The following FRMD5 variants were observed in gnomAD, a reference collection of about 807,000 sequenced individuals.
FRMD5 encodes the protein FERM domain-containing protein 5.
Under a neutral mutation model 69.0 loss-of-function variants are expected in FRMD5, and 20 were observed. That is an observed-to-expected ratio of 0.29 (90% CI 0.20 to 0.42). The LOEUF is 0.42. Among genes scored for constraint, FRMD5 ranks in the 10% least tolerant of loss-of-function variants. The pLI, the probability that FRMD5 is intolerant of heterozygous loss-of-function variation, is 1.00. For synonymous variants in FRMD5, 271 were observed against 260.1 expected (o/e 1.04, Z -0.40); for missense variants, 595 against 708.6 (o/e 0.84, Z 1.82).
intron 1 of FRMD5, among the ~76,000 whole-genome samples, chr15:44,040,874 T>C (rs1272914740): frequency 1.3e-5 from 2 of 150,768 alleles, no homozygotes; most frequent in East Asian, 1.9e-4. Context: ...GACTGGCAAA[T>C]TGGATAAAGA....
rs559852298 is a variant in FRMD5, at chr15:44,059,786, AT to A, written c.102+135166del. ...TGCCTCAGCCTCCCAAAGTGCTGGG[AT>A]TACAGGTGTGAGCCACTGCACCCAG... On this transcript the variant is annotated intron_variant, in intron 1 of 13. Transcript: ENST00000417257. Among the ~76,000 whole-genome samples, 39 of 152,226 alleles carry A rather than the reference AT, an allele frequency of 2.6e-4. No individual in the cohort carries two copies. In the South Asian group the frequency reaches 8.1e-3, roughly 32 times the overall value.
intron 1 of FRMD5, among the ~76,000 whole-genome samples, chr15:43,949,467 C>T (rs1339278826): frequency 6.6e-6 from 1 of 152,212 alleles, no homozygotes; most frequent in Non-Finnish European, 1.5e-5. Flanking sequence ...CATCCAATTC[C>T]CCTTTCTGGA....
At chr15:44,001,744 C>T (rs999155661) in intron 1 of FRMD5, among the ~76,000 whole-genome samples, 5 of 151,698 alleles carry the variant, frequency 3.3e-5, no homozygotes, top group Non-Finnish European at 5.9e-5. Context: ...GTAGCTGGGA[C>T]TACAGGCACA....
At chr15:44,086,128 T>C (rs1894187821) in intron 1 of FRMD5, among the ~76,000 whole-genome samples, 1 of 152,174 alleles carries the variant, frequency 6.6e-6, no homozygotes, top group Non-Finnish European at 1.5e-5. Flanking sequence ...TTATACAATA[T>C]CTATAAAATT....
chr15:43,927,704 T>G (rs2089608505), intron 1 of FRMD5, among the ~76,000 whole-genome samples: 1 of 152,058 alleles, frequency 6.6e-6, no homozygotes, highest in African/African-American at 2.4e-5. Flanking sequence ...TGCACCAAGC[T>G]GGCTTTTACA....
chr15:43,882,501 G>A (rs917508123), intron 13 of FRMD5, among the ~76,000 whole-genome samples: 1 of 152,080 alleles, frequency 6.6e-6, no homozygotes, highest in Non-Finnish European at 1.5e-5. Context: ...TGGGATTACA[G>A]GCGTGCATCA....
At chr15:44,118,757 G>C (rs1314956814) in intron 1 of FRMD5, among the ~76,000 whole-genome samples, 31 of 152,104 alleles carry the variant, frequency 2.0e-4, no homozygotes, top group Non-Finnish European at 4.6e-4. Context: ...GCTTTGTATG[G>C]AATCTGTTCT....
chr15:44,025,439 T>C (rs990469067), intron 1 of FRMD5, among the ~76,000 whole-genome samples: 2 of 152,026 alleles, frequency 1.3e-5, no homozygotes, highest in Admixed American at 6.6e-5. Context: ...CACATATATA[T>C]ACACACACAC....
At chr15:44,027,217 T>C (rs957595993) in intron 1 of FRMD5, among the ~76,000 whole-genome samples, 2 of 152,126 alleles carry the variant, frequency 1.3e-5, no homozygotes, top group African/African-American at 4.8e-5. Flanking sequence ...AGACTTTCTA[T>C]CCTTTAATTA....
intron 1 of FRMD5, among the ~76,000 whole-genome samples, chr15:44,007,339 T>C (rs1398085870): frequency 1.3e-5 from 2 of 152,214 alleles, no homozygotes; most frequent in Non-Finnish European, 2.9e-5. Context: ...ATCCACTTTA[T>C]TGCGGTGGTC....
chr15:44,017,608 A>G (rs560172993), intron 1 of FRMD5, among the ~76,000 whole-genome samples: 1 of 149,276 alleles, frequency 6.7e-6, no homozygotes. Context: ...TAATCCCCAA[A>G]TATTTCTTTT....
intron 1 of FRMD5, among the ~76,000 whole-genome samples, chr15:44,180,036 G>C (rs949267705): frequency 8.2e-6 from 1 of 122,290 alleles, no homozygotes; most frequent in African/African-American, 3.1e-5. Context: ...GGACAAGATA[G>C]TGAGACTCCA....
At chr15:44,016,789 G>A (rs926807030) in intron 1 of FRMD5, among the ~76,000 whole-genome samples, 1 of 151,348 alleles carries the variant, frequency 6.6e-6, no homozygotes, top group Admixed American at 6.6e-5. Flanking sequence ...TATAAATAGA[G>A]TGGCCTTGGA....
At chr15:44,000,051 TG>T (rs1373811722) in intron 1 of FRMD5, among the ~76,000 whole-genome samples, 1 of 135,956 alleles carries the variant, frequency 7.4e-6, no homozygotes, top group African/African-American at 2.6e-5. Flanking sequence ...TCTGCCACCC[TG>T]GCTGGAGTGC....
chr15:44,008,974 C>T (rs940650045), intron 1 of FRMD5, among the ~76,000 whole-genome samples: 1 of 151,968 alleles, frequency 6.6e-6, no homozygotes, highest in Non-Finnish European at 1.5e-5. Flanking sequence ...TGCAGTGAGC[C>T]GAGATTGCAC....
At chr15:44,116,671 G>A (rs1179541468) in intron 1 of FRMD5, among the ~76,000 whole-genome samples, 1 of 152,086 alleles carries the variant, frequency 6.6e-6, no homozygotes, top group Non-Finnish European at 1.5e-5. Context: ...TATGCCCCTC[G>A]CTCCCCAGTG....
At chr15:43,905,458 C>T (rs1432868810) in intron 6 of FRMD5, among the ~76,000 whole-genome samples, 3 of 152,020 alleles carry the variant, frequency 2.0e-5, no homozygotes, top group African/African-American at 7.2e-5. Flanking sequence ...TCTTTTTTAT[C>T]TTATGCAATT....
At chr15:44,069,921 A>T (rs1300146655) in intron 1 of FRMD5, among the ~76,000 whole-genome samples, 12 of 152,204 alleles carry the variant, frequency 7.9e-5, no homozygotes, top group Non-Finnish European at 2.9e-5. Context: ...GGGAGGCAAG[A>T]CAAATCAAAA....
At chr15:43,986,919 C>T (rs1423648130) in intron 1 of FRMD5, among the ~76,000 whole-genome samples, 3 of 151,926 alleles carry the variant, frequency 2.0e-5, no homozygotes, top group Admixed American at 2.0e-4. Context: ...TTAATTCTTG[C>T]AATATTTCAA....
Sources: gnomAD v4.1 joint callset for allele counts (sites outside exome capture counted in the v4.1 genomes callset) on GRCh38, gnomAD v4.1.1 for gene constraint, MANE v1.5 for transcripts, NCBI Gene and HGNC (gene_info 2026-07-23, HGNC 2026-07-21) for gene names.